MICALL2: variants seen among roughly 807,000 people sequenced by gnomAD.
MICALL2 encodes MICAL like 2, also known as MICAL-like protein 2.
A neutral mutation model predicts 91.1 loss-of-function variants in MICALL2; 111 were observed. The ratio of observed to expected loss-of-function variants is 1.22; its 90% confidence interval spans 1.04 to 1.43. MICALL2 has a LOEUF of 1.43. MICALL2 is among the 40% of genes most tolerant of loss of function. The pLI, the probability that MICALL2 is intolerant of heterozygous loss-of-function variation, is 0.00. For synonymous variants in MICALL2, 694 were observed against 525.3 expected (o/e 1.32, Z -4.39); for missense variants, 1,556 against 1,236.0 (o/e 1.26, Z -3.88).
intron 6 of MICALL2, among the ~76,000 whole-genome samples, chr7:1,444,334 G>A (rs1404719441): frequency 6.6e-6 from 1 of 152,172 alleles, no homozygotes; most frequent in Non-Finnish European, 1.5e-5. Context: ...CCATGAAATG[G>A]GCGTAGGACC....
In MICALL2 at chr7:1,459,150, G is replaced by T; in HGVS notation, c.143+34C>A. ...GCCCGTGTCAGCGCGCAGCCGAACA[G>T]CAGAAGAATCAAAGGGCGCCAGGCA... is the stretch of plus-strand genomic sequence containing the variant. On this transcript the variant is annotated intron_variant, in intron 1 of 16. Coordinates refer to ENST00000297508, the MANE Select transcript of MICALL2 (RefSeq NM_182924.4). The T allele has an allele frequency of 1.9e-6, 3 of 1,587,832 alleles. No individual in the cohort carries two copies. The Admixed American group carries it at 5.2e-5, about 27-fold the overall frequency.
rs1403835812 is a variant in MICALL2, at chr7:1,444,985, G to A, written c.1085C>T (p.Pro362Leu). The A allele has an allele frequency of 1.6e-5, 24 of 1,508,112 alleles. No individual in the cohort carries two copies. The East Asian group carries it at 5.6e-4, about 35-fold the overall frequency. The allele number at this position is 1,508,112 out of a possible 1,614,324, so 93.4% of individuals were successfully genotyped here. A position where few individuals can be genotyped will look rare whatever the true frequency, so the allele number is the denominator to read the frequency against. ...GTCTGGGGCACTCGGGGGCACGGCG[G>A]GATGGGAGGCAGCCGCTGCTGTGCA... The part of the protein sequence containing the change: ...APCTAAAASH[P>L]AVPPSAPDPR... Residue 362 changes from proline to leucine, a missense_variant, in exon 6 of 17, where the codon CCC becomes CTC. Coordinates refer to ENST00000297508, the MANE Select transcript of MICALL2 (RefSeq NM_182924.4).
rs1357162504 is a variant in MICALL2 at position 1,442,335 on chromosome 7, C to CTCG, written c.1565_1567dup (p.Thr522dup). On this transcript the variant is annotated inframe_insertion, in exon 7 of 17. Coordinates refer to ENST00000297508, the MANE Select transcript of MICALL2 (RefSeq NM_182924.4). The stretch of plus-strand genomic sequence containing the variant: ...CAACGCGGATGCCTGAGAGGTACTG[C>CTCG]TCGTGCTCAGCGGGGCTGGCGGTTC... 1 of 1,613,050 alleles carries CTCG rather than the reference C, an allele frequency of 6.2e-7. No individual in the cohort carries two copies. The highest frequency in any genetic ancestry group is 1.3e-5 in the African/African-American group (1 of 74,934).
intron 1 of MICALL2, among the ~76,000 whole-genome samples, chr7:1,456,854 G>C (rs1264250810): frequency 6.6e-6 from 1 of 152,150 alleles, no homozygotes; most frequent in African/African-American, 2.4e-5. Context: ...TGACACTCCG[G>C]GTTTTCCATC....
At chr7:1,435,800 A>C (rs1779938410) in intron 15 of MICALL2, among the ~76,000 whole-genome samples, 1 of 152,248 alleles carries the variant, frequency 6.6e-6, no homozygotes, top group Admixed American at 6.5e-5. Context: ...CACACCTGTA[A>C]TCCCAGCACT....
intron 16 of MICALL2, 117 bp downstream of exon 16, chr7:1,434,984 C>CGG (rs1779893814): frequency 7.3e-5 from 33 of 449,002 alleles, no homozygotes; most frequent in East Asian, 1.6e-4. Flanking sequence ...ACCCGATACC[C>CGG]GCCCCCCCCC....
chr7:1,459,033 G>C (rs1781117396), intron 1 of MICALL2, 151 bp downstream of exon 1: 1 of 757,742 alleles, frequency 1.3e-6, no homozygotes, highest in South Asian at 2.0e-5. Context: ...AGGCCACTGA[G>C]GACAGCCTCG....
chr7:1,450,169 G>A, intron 2 of MICALL2, 71 bp downstream of exon 2: 1 of 1,274,332 alleles, frequency 7.8e-7, no homozygotes, highest in Admixed American at 1.7e-5. Flanking sequence ...GAGTCCCTCG[G>A]TCCCTCGGAC....
chr7:1,443,848 G>A (rs941773601), intron 6 of MICALL2, among the ~76,000 whole-genome samples: 8 of 152,184 alleles, frequency 5.3e-5, no homozygotes, highest in Admixed American at 1.3e-4. Context: ...TGTGTAAGCC[G>A]CCCAGTGAGG....
Position 1,447,668 on chromosome 7 carries a change from G to A in MICALL2, c.432C>T (p.Pro144=), listed in dbSNP as rs138890843. The part of the protein sequence containing the change: ...APVQAAKLPS[P]APARKPPLSP... ...ATAGTGGAGGCTTCCGGGCTGGGGC[G>A]GGCGAGGGCAGCTTGGCCGCCTGGA... Residue 144 remains proline (P), a synonymous_variant, in exon 4 of 17, where the codon CCC becomes CCT. Transcript: ENST00000297508. 1.1e-4 allele frequency: 171 copies of A among 1,587,518 alleles called. No homozygotes were observed. The highest frequency in any genetic ancestry group is 2.3e-4 in the Admixed American group (13 of 56,404).
intron 10 of MICALL2, 66 bp from the exon 11 acceptor site, chr7:1,438,419 C>A: frequency 6.5e-7 from 1 of 1,548,832 alleles, no homozygotes; most frequent in Non-Finnish European, 8.7e-7. Flanking sequence ...CAGGACACAG[C>A]TTGGAAGGAG....
In MICALL2 at chr7:1,452,754, C is replaced by T. The variant is rs1021349527; in HGVS notation, c.144-2466G>A. On this transcript the variant is annotated intron_variant, in intron 1 of 16. Transcript: ENST00000297508. This position sits in a 1 kb window ranked among gnomAD's most constrained non-coding sequence, Gnocchi z 6.2. ...GGACACACCAGAGCCAGTGCCCACA[C>T]GGCACAGGTCTGGGCTGCGAGTTCA... Among the ~76,000 whole-genome samples, 11 of 152,160 alleles carry T rather than the reference C, an allele frequency of 7.2e-5. No individual in the cohort carries two copies. Among genetic ancestry groups the T allele is most frequent in the Non-Finnish European group, 1.2e-4 (8 of 68,020 alleles).
In MICALL2 at chr7:1,455,701, G is replaced by A. The variant is rs554378668; in HGVS notation, c.143+3483C>T. 6.5e-4 allele frequency among the ~76,000 whole-genome samples: 99 copies of A among 152,002 alleles called. 4 individuals are homozygous for A. Among genetic ancestry groups the A allele is most frequent in the Non-Finnish European group, 1.2e-3 (83 of 67,844 alleles). Reference sequence around the variant, plus strand: ...GGGTGCCCCACCTGGCTGGCCTGGCGCCCGAGCTGGTTCCTTCACAGCTGC... The same window carrying A: ...GGGTGCCCCACCTGGCTGGCCTGGCACCCGAGCTGGTTCCTTCACAGCTGC... On this transcript the variant is annotated intron_variant, in intron 1 of 16. Transcript: ENST00000297508.
At position 1,442,238 on chromosome 7, in the gene MICALL2, C is replaced by T. The variant is rs1182517059; in HGVS notation, c.1665G>A (p.Lys555=). 1.2e-6 allele frequency: 2 copies of T among 1,612,750 alleles called. No individual in the cohort carries two copies. The highest frequency in any genetic ancestry group is 1.7e-6 in the Non-Finnish European group (2 of 1,179,938). ...TACCCTTTGCCATCGGGGCCTCTGG[C>T]TTCGGCCTGGAGCCAGCACCCACCC... is the stretch of plus-strand genomic sequence containing the variant. ...VGRVGAGSRP[K]PEAPMAKGKS... Residue 555 remains lysine (K), a synonymous_variant, in exon 7 of 17, where the codon AAG becomes AAA. Transcript: ENST00000297508.
At chr7:1,436,678 G>T (rs1206692628) in intron 15 of MICALL2, 64 bp downstream of exon 15, 2 of 1,275,876 alleles carry the variant, frequency 1.6e-6, no homozygotes, top group Non-Finnish European at 1.1e-6. Context: ...TGACCCTGAG[G>T]GCCGGGAGCA....
chr7:1,437,420 A>C (rs1012035241), intron 14 of MICALL2, 115 bp downstream of exon 14: 31 of 891,760 alleles, frequency 3.5e-5, no homozygotes, highest in Non-Finnish European at 5.0e-5. Flanking sequence ...GCCTGGCTCC[A>C]GGGAAGGTCT....
At chr7:1,459,097 C>T (rs1781119715) in intron 1 of MICALL2, 87 bp downstream of exon 1, 1 of 1,400,432 alleles carries the variant, frequency 7.1e-7, no homozygotes, top group Non-Finnish European at 9.7e-7. Flanking sequence ...GCTCCCCATC[C>T]CCCAGCCGCC....
rs1351490460 is a variant in MICALL2, at chr7:1,437,579, T to G, written c.2432A>C (p.Gln811Pro). 2 of 1,537,272 alleles carry G rather than the reference T, an allele frequency of 1.3e-6. No homozygotes were observed. Among genetic ancestry groups the G allele is most frequent in the Admixed American group, 2.0e-5 (1 of 50,446 alleles). The change falls in exon 14 of 17, where the codon CAG (glutamine) becomes CCG (proline). Residue 811 changes from glutamine (Q) to proline (P), a missense_variant. Transcript: ENST00000297508. ...KSKAQRLEEQ[Q>P]LDIEGELRRL... ...GCGCAGCTCGCCCTCGATGTCCAGC[T>G]GCTGCTCCTCCAGACGCTGGGCCTT...
At chr7:1,438,641 G>GT in intron 10 of MICALL2, 199 bp downstream of exon 10, 2 of 1,422,602 alleles carry the variant, frequency 1.4e-6, no homozygotes, top group Non-Finnish European at 1.8e-6. Flanking sequence ...CCATGAGTCT[G>GT]TAACAAGGTA....
Sources: allele counts gnomAD v4.1 joint callset (sites outside exome capture counted in the v4.1 genomes callset), GRCh38; gene constraint gnomAD v4.1.1; non-coding constraint Gnocchi (gnomAD v3.1); transcripts MANE v1.5; gene names NCBI Gene and HGNC (gene_info 2026-07-23, HGNC 2026-07-21).